CDKAL1: variants seen among roughly 807,000 people sequenced by gnomAD.
The protein encoded by CDKAL1 is CDKAL1 threonylcarbamoyladenosine tRNA methylthiotransferase.
Under a neutral mutation model 68.2 loss-of-function variants are expected in CDKAL1, and 32 were observed. That is an observed-to-expected ratio of 0.47 (90% CI 0.35 to 0.63). The LOEUF (loss-of-function observed/expected upper bound fraction) is 0.63. Ranked by LOEUF, CDKAL1 falls within the 30% of genes least tolerant of loss-of-function variation. The pLI is 0.00. For synonymous variants in CDKAL1, 234 were observed against 244.3 expected (o/e 0.96, Z 0.39); for missense variants, 606 against 696.7 (o/e 0.87, Z 1.47).
At chr6:21,208,196 C>T (rs1470114339) in intron 15 of CDKAL1, among the ~76,000 whole-genome samples, 10 of 152,040 alleles carry the variant, frequency 6.6e-5, no homozygotes, top group South Asian at 6.2e-4. Context: ...CCTGACACAG[C>T]CGACCGCGCT....
chr6:21,160,658 T>TACAC (rs1776881870), intron 13 of CDKAL1, among the ~76,000 whole-genome samples: 4 of 112,690 alleles, frequency 3.5e-5, no homozygotes, highest in South Asian at 6.2e-4. Context: ...CACACACACG[T>TACAC]GTGTGTGTGT....
Position 20,847,036 on chromosome 6 carries a change from T to A in CDKAL1, c.742+858T>A, listed in dbSNP as rs574061193. Among the ~76,000 whole-genome samples the A allele has an allele frequency of 2.6e-5, 4 of 152,238 alleles. No individual in the cohort carries two copies. The East Asian group carries it at 7.7e-4, about 29-fold the overall frequency. On this transcript the variant is annotated intron_variant, in intron 9 of 15. Coordinates refer to ENST00000274695, the MANE Select transcript of CDKAL1 (RefSeq NM_017774.3). ...TACTCTGGGTCTCAGAAAGTATGAG[T>A]TCCAAATTCATTTTTTTGTTTAGTC... is the stretch of plus-strand genomic sequence containing the variant.
At chr6:21,222,786 A>T (rs972631477) in intron 15 of CDKAL1, among the ~76,000 whole-genome samples, 1 of 152,106 alleles carries the variant, frequency 6.6e-6, no homozygotes, top group Non-Finnish European at 1.5e-5. Context: ...GGTGTCAGGG[A>T]CAGAAGAACT....
intron 7 of CDKAL1, among the ~76,000 whole-genome samples, chr6:20,760,336 A>G (rs1774408933): frequency 6.6e-6 from 1 of 152,194 alleles, no homozygotes; most frequent in African/African-American, 2.4e-5. Context: ...AAAAATTTAT[A>G]GCAATGATAA....
intron 13 of CDKAL1, among the ~76,000 whole-genome samples, chr6:21,127,924 A>G (rs1212600164): frequency 6.6e-6 from 1 of 152,228 alleles, no homozygotes; most frequent in Non-Finnish European, 1.5e-5. Context: ...AACTACCTGG[A>G]TGACCCTGAA....
intron 5 of CDKAL1, among the ~76,000 whole-genome samples, chr6:20,693,129 CAAAAA>C (rs70990059): frequency 1.5e-5 from 1 of 67,616 alleles, no homozygotes; most frequent in Non-Finnish European, 3.0e-5. Flanking sequence ...GACTCTGTCT[CAAAAA>C]AAAAAAAAAA....
intron 4 of CDKAL1, among the ~76,000 whole-genome samples, chr6:20,561,446 G>GAAAAAAAAAAAAAAAAAAAA (rs55750789): frequency 7.5e-5 from 6 of 79,652 alleles, no homozygotes; most frequent in Non-Finnish European, 1.4e-4. Flanking sequence ...TCTCAAAAAA[G>GAAAAAAAAAAAAAAAAAAAA]AAAAAAAAAA....
At chr6:20,972,117 C>T (rs72834324) in intron 10 of CDKAL1, among the ~76,000 whole-genome samples, 2,668 of 152,274 alleles carry the variant, frequency 0.018, 34 homozygotes, top group Non-Finnish European at 0.027. Context: ...GAGAAAGAAA[C>T]ATTCTTTTGG....
rs1229681370 is a variant in CDKAL1 at position 20,913,158 on chromosome 6, C to CACACACACACACACAT, written c.743-42260_743-42259insCACACACACACACATA. 1.5e-3 allele frequency among the ~76,000 whole-genome samples: 220 copies of CACACACACACACACAT among 145,786 alleles called. 1 individual carries two copies. Among genetic ancestry groups the CACACACACACACACAT allele is most frequent in the African/African-American group, 5.6e-3 (212 of 37,820 alleles). On this transcript the variant is annotated intron_variant, in intron 9 of 15. Coordinates refer to ENST00000274695, the MANE Select transcript of CDKAL1 (RefSeq NM_017774.3). ...ACACACACACACACACACACACACA[C>CACACACACACACACAT]ATTACCACAAATGTAGAAGCTTAAA... is the stretch of plus-strand genomic sequence containing the variant.
chr6:21,191,760 T>TA (rs35944981), intron 13 of CDKAL1, among the ~76,000 whole-genome samples: 192 of 140,662 alleles, frequency 1.4e-3, no homozygotes, highest in East Asian at 0.013. Flanking sequence ...TGGTTTTCAT[T>TA]AAAAAAAAAA....
chr6:20,881,581 A>T (rs1760821177), intron 9 of CDKAL1, among the ~76,000 whole-genome samples: 1 of 152,104 alleles, frequency 6.6e-6, no homozygotes, highest in Non-Finnish European at 1.5e-5. Flanking sequence ...ATTAATTATT[A>T]ATCTTGTAGC....
At chr6:20,659,000 AT>A (rs202152780) in intron 5 of CDKAL1, among the ~76,000 whole-genome samples, 1 of 150,052 alleles carries the variant, frequency 6.7e-6, no homozygotes, top group Non-Finnish European at 1.5e-5. Context: ...TATTATTATT[AT>A]TTTTTTTTAG....
intron 8 of CDKAL1, among the ~76,000 whole-genome samples, chr6:20,810,824 C>G (rs1776784908): frequency 6.6e-6 from 1 of 151,946 alleles, no homozygotes; most frequent in Non-Finnish European, 1.5e-5. Context: ...AGTTAGTGCT[C>G]TTGTTCATTC....
At chr6:20,681,082 T>C (rs935479548) in intron 5 of CDKAL1, among the ~76,000 whole-genome samples, 2 of 152,228 alleles carry the variant, frequency 1.3e-5, no homozygotes, top group African/African-American at 4.8e-5. Context: ...TGTTGTATCA[T>C]GTTAGTTGGA....
intron 4 of CDKAL1, among the ~76,000 whole-genome samples, chr6:20,554,165 C>G (rs1306612292): frequency 6.6e-6 from 1 of 152,164 alleles, no homozygotes; most frequent in Non-Finnish European, 1.5e-5. Flanking sequence ...GTCTCTCATT[C>G]AAAGAATAAA....
chr6:20,955,434 T>C lies in CDKAL1; in HGVS notation c.758T>C (p.Ile253Thr). The C allele has an allele frequency of 6.2e-7, 1 of 1,614,132 alleles. No homozygotes were observed. Among genetic ancestry groups the C allele is most frequent in the Non-Finnish European group, 8.5e-7 (1 of 1,179,990 alleles). The change falls in exon 10 of 16, where the codon ATA (isoleucine) becomes ACA (threonine). Residue 253 changes from isoleucine to threonine, a missense_variant. Transcript: ENST00000274695. ...KQSFQEGVCE[I>T]WLTSEDTGAY... ...TGATTCACAGAGGGTGTTTGTGAGA[T>C]ATGGTTGACCAGTGAAGACACGGGG...
At chr6:20,993,549 T>G (rs1766951640) in intron 10 of CDKAL1, 1 of 152,248 alleles carries the variant, frequency 6.6e-6, no homozygotes, top group South Asian at 2.1e-4. Flanking sequence ...TTTTAGTATA[T>G]GTGCTGCTGA....
At chr6:20,589,940 G>C (rs1304589966) in intron 4 of CDKAL1, among the ~76,000 whole-genome samples, 1 of 152,144 alleles carries the variant, frequency 6.6e-6, no homozygotes, top group South Asian at 2.1e-4. Flanking sequence ...CACTTTGCTT[G>C]CCATGTGACT....
chr6:20,845,246 T>G (rs886120434), intron 8 of CDKAL1, among the ~76,000 whole-genome samples: 10 of 152,176 alleles, frequency 6.6e-5, no homozygotes, highest in African/African-American at 2.4e-4. Context: ...TGAAGAAATG[T>G]TCCTTTTTGT....
Sources: gnomAD v4.1 joint callset for allele counts (sites outside exome capture counted in the v4.1 genomes callset) on GRCh38, gnomAD v4.1.1 for gene constraint, MANE v1.5 for transcripts, NCBI Gene and HGNC (gene_info 2026-07-23, HGNC 2026-07-21) for gene names.